The following DEPDC1B variants were observed in gnomAD, a reference collection of about 807,000 sequenced individuals.
DEPDC1B encodes DEP domain containing 1B.
A neutral mutation model predicts 66.5 loss-of-function variants in DEPDC1B; 51 were observed. The ratio of observed to expected loss-of-function variants is 0.77; its 90% CI spans 0.61 to 0.97. The LOEUF is 0.97. DEPDC1B is among the 50% of genes least tolerant of loss of function. The pLI, the probability that DEPDC1B is intolerant of heterozygous loss-of-function variation, is 0.00. For missense variants in DEPDC1B, 552 were observed against 637.1 expected, an observed-to-expected ratio of 0.87 and a Z score of 1.44; for synonymous variants, 226 against 223.6, an observed-to-expected ratio of 1.01 and a Z score of -0.10.
intron 7 of DEPDC1B, among the ~76,000 whole-genome samples, chr5:60,632,080 C>T (rs1752937281): frequency 6.6e-6 from 1 of 152,196 alleles, no homozygotes; most frequent in Admixed American, 6.5e-5. Context: ...TATAAAGGAC[C>T]AGTGGAACAA....
intron 2 of DEPDC1B, among the ~76,000 whole-genome samples, chr5:60,651,657 G>C: frequency 6.6e-6 from 1 of 152,158 alleles, no homozygotes; most frequent in Non-Finnish European, 1.5e-5. Context: ...ATCTGCAACA[G>C]GATCGGGCAG....
chr5:60,672,607 T>C (rs1040379062), intron 2 of DEPDC1B, among the ~76,000 whole-genome samples: 1 of 152,178 alleles, frequency 6.6e-6, no homozygotes, highest in African/African-American at 2.4e-5. Context: ...CAATTCATCA[T>C]GAGATTTGGG....
Position 60,603,443 on chromosome 5 carries a change from A to G in DEPDC1B, c.1190T>C (p.Leu397Ser), listed in dbSNP as rs1752242878. 1 of 1,612,474 alleles carries G rather than the reference A, an allele frequency of 6.2e-7. No individual in the cohort carries two copies. The highest frequency in any genetic ancestry group is 1.3e-5 in the African/African-American group (1 of 74,836). Residue 397 changes from leucine (L) to serine (S), a missense_variant, in exon 9 of 11, where the codon TTG becomes TCG. Transcript: ENST00000265036. ...DNYQEILKVP[L>S]ALQTSIEERV... ...CTCCTCTATAGAGGTCTGCAAGGCC[A>G]AAGGGACTTTCAGAATTTCCTGGTA...
chr5:60,641,716 G>C (rs1034942944), intron 6 of DEPDC1B, among the ~76,000 whole-genome samples: 1 of 151,990 alleles, frequency 6.6e-6, no homozygotes, highest in African/African-American at 2.4e-5. Flanking sequence ...GTCAACCCTA[G>C]ACAAGGATGT....
intron 7 of DEPDC1B, among the ~76,000 whole-genome samples, chr5:60,622,989 T>A (rs1451900237): frequency 1.3e-5 from 2 of 152,202 alleles, no homozygotes; most frequent in Non-Finnish European, 2.9e-5. Flanking sequence ...AAATTTCCAA[T>A]TTTGATGAAG....
In DEPDC1B at chr5:60,644,848, G is replaced by A; in HGVS notation, c.606C>T (p.Ser202=). The change falls in exon 5 of 11, where the codon TCC becomes TCT. Residue 202 remains serine, a synonymous_variant. Transcript: ENST00000265036. ...GTTTGACGTCTAAAACTTCTTCTAA[G>A]GAATCCAGGCCAAGAATTTTCTGTA... is the stretch of plus-strand genomic sequence containing the variant. ...SYLQKILGLD[S]LEEVLDVKLV... 6.2e-7 allele frequency: 1 copy of A among 1,608,734 alleles called. No homozygotes were observed. The highest frequency in any genetic ancestry group is 8.5e-7 in the Non-Finnish European group (1 of 1,177,068).
intron 7 of DEPDC1B, among the ~76,000 whole-genome samples, chr5:60,617,466 A>G (rs111553083): frequency 6.6e-6 from 1 of 152,144 alleles, no homozygotes; most frequent in Non-Finnish European, 1.5e-5. Flanking sequence ...ATGGAAAACA[A>G]AATAAGGCAG....
chr5:60,652,954 G>A (rs1289828019), intron 2 of DEPDC1B, among the ~76,000 whole-genome samples: 1 of 149,306 alleles, frequency 6.7e-6, no homozygotes, highest in African/African-American at 2.5e-5. Flanking sequence ...TTATGGTGGA[G>A]TAGTATTCTA....
intron 1 of DEPDC1B, among the ~76,000 whole-genome samples, chr5:60,696,756 T>A (rs1754662830): frequency 6.6e-6 from 1 of 152,196 alleles, no homozygotes. Flanking sequence ...AAAAATAAAA[T>A]CACACAATTG....
At chr5:60,661,427 G>C (rs779541490) in intron 2 of DEPDC1B, among the ~76,000 whole-genome samples, 2 of 152,128 alleles carry the variant, frequency 1.3e-5, no homozygotes, top group Non-Finnish European at 1.5e-5. Context: ...AAAGACTAGG[G>C]GTCCTGGCAT....
intron 2 of DEPDC1B, among the ~76,000 whole-genome samples, chr5:60,670,646 G>A (rs1040468532): frequency 6.6e-6 from 1 of 152,198 alleles, no homozygotes; most frequent in Non-Finnish European, 1.5e-5. Flanking sequence ...AATGGTATAT[G>A]AATTAAGTCA....
chr5:60,696,272 A>AGTAAATAAACAGACATT (rs1754653717), intron 1 of DEPDC1B, among the ~76,000 whole-genome samples: 1 of 152,224 alleles, frequency 6.6e-6, no homozygotes, highest in Admixed American at 6.5e-5. Context: ...CTTTTATTTC[A>AGTAAATAAACAGACATT]TACTAGAAAA....
chr5:60,674,236 G>A (rs867317126), intron 2 of DEPDC1B, among the ~76,000 whole-genome samples: 33 of 152,116 alleles, frequency 2.2e-4, no homozygotes, highest in Middle Eastern at 6.8e-3. Flanking sequence ...TGAAGGATCA[G>A]GATAGAAGAA....
chr5:60,660,278 CAG>C (rs550466493), intron 2 of DEPDC1B, among the ~76,000 whole-genome samples: 79 of 130,904 alleles, frequency 6.0e-4, no homozygotes, highest in African/African-American at 2.3e-3. Flanking sequence ...GAGAGAGAGA[CAG>C]AGAGGAGAGA....
At chr5:60,678,895 T>C (rs1416148103) in intron 2 of DEPDC1B, among the ~76,000 whole-genome samples, 5 of 152,250 alleles carry the variant, frequency 3.3e-5, no homozygotes, top group Non-Finnish European at 7.3e-5. Context: ...AATTGTTCAT[T>C]TTGATGAAAT....
intron 2 of DEPDC1B, among the ~76,000 whole-genome samples, chr5:60,666,370 A>G (rs1195999639): frequency 1.3e-5 from 2 of 152,186 alleles, no homozygotes; most frequent in Non-Finnish European, 2.9e-5. Flanking sequence ...GAAGCCAAGA[A>G]TCCCAGGTCA....
chr5:60,642,582 G>A (rs1404033660), intron 6 of DEPDC1B, among the ~76,000 whole-genome samples: 1 of 152,100 alleles, frequency 6.6e-6, no homozygotes, highest in East Asian at 1.9e-4. Flanking sequence ...GAACTAGTGT[G>A]GATGGATCTA....
intron 2 of DEPDC1B, among the ~76,000 whole-genome samples, chr5:60,669,553 A>G (rs568921813): frequency 6.0e-4 from 91 of 152,328 alleles, no homozygotes; most frequent in African/African-American, 2.2e-3. Context: ...AAACCCATTC[A>G]ACATATTTCT....
intron 3 of DEPDC1B, 138 bp downstream of exon 3, chr5:60,647,260 A>G: frequency 2.0e-6 from 2 of 1,021,644 alleles, no homozygotes; most frequent in East Asian, 5.8e-5. Context: ...CTGGTCTCCC[A>G]GCTGTTGGCA....
Sources: allele counts gnomAD v4.1 joint callset (sites outside exome capture counted in the v4.1 genomes callset), GRCh38; gene constraint gnomAD v4.1.1; transcripts MANE v1.5; gene names NCBI Gene and HGNC (gene_info 2026-07-23, HGNC 2026-07-21).